CCDC88C: variants seen among roughly 807,000 people sequenced by gnomAD.
CCDC88C encodes the protein protein Daple.
Under a neutral mutation model 198.8 loss-of-function variants are expected in CCDC88C, and 131 were observed. That is an observed-to-expected ratio of 0.66 (90% CI 0.57 to 0.76). The LOEUF is 0.76. CCDC88C is among the 30% of genes least tolerant of loss of function. CCDC88C has a pLI of 0.00. For missense variants in CCDC88C, 2,553 were observed against 2,631.6 expected, an observed-to-expected ratio of 0.97 and a Z score of 0.65; for synonymous variants, 1,166 against 1,114.7, an observed-to-expected ratio of 1.05 and a Z score of -0.92.
chr14:91,322,564 A>G (rs1892399664), intron 12 of CCDC88C, among the ~76,000 whole-genome samples: 1 of 152,244 alleles, frequency 6.6e-6, no homozygotes, highest in African/African-American at 2.4e-5. Flanking sequence ...CAAGCCTCAA[A>G]TAAGACTCCA....
Position 91,337,997 on chromosome 14 carries a change from C to T in CCDC88C, c.1050+8G>A. ...CCCATCCAGGGGCCTCACAGCAAGG[C>T]TCCCTACCTCCATGCGGGCCTTGTA... On this transcript the variant is annotated splice_region_variant and intron_variant, in intron 10 of 29. Transcript: ENST00000389857. The T allele has an allele frequency of 6.2e-7, 1 of 1,609,576 alleles. No individual in the cohort carries two copies. The highest frequency in any genetic ancestry group is 8.5e-7 in the Non-Finnish European group (1 of 1,179,858).
At chr14:91,405,399 A>G (rs1274293082) in intron 3 of CCDC88C, among the ~76,000 whole-genome samples, 2 of 152,178 alleles carry the variant, frequency 1.3e-5, no homozygotes, top group African/African-American at 4.8e-5. Flanking sequence ...AGAGTAAGGA[A>G]CAAGGTTTGT....
In CCDC88C at chr14:91,340,034, C is replaced by T; in HGVS notation, c.484-10G>A. On this transcript the variant is annotated splice_polypyrimidine_tract_variant and intron_variant, in intron 6 of 29. Coordinates refer to ENST00000389857, the MANE Select transcript of CCDC88C (RefSeq NM_001080414.4). The stretch of plus-strand genomic sequence containing the variant: ...CTTGGTTGTGAGTCACCTGTGGGCA[C>T]ACATGGCAGGGCACTGCAGGGGCGG... 1 of 1,608,852 alleles carries T rather than the reference C, an allele frequency of 6.2e-7. No individual in the cohort carries two copies.
rs917099498 is a variant in CCDC88C, at chr14:91,339,684, G to A, written c.624+200C>T. Among the ~76,000 whole-genome samples the A allele has an allele frequency of 1.3e-5, 2 of 152,324 alleles. No homozygotes were observed. Among genetic ancestry groups the A allele is most frequent in the Non-Finnish European group, 2.9e-5 (2 of 68,030 alleles). On this transcript the variant is annotated intron_variant, in intron 7 of 29. Coordinates refer to ENST00000389857, the MANE Select transcript of CCDC88C (RefSeq NM_001080414.4). The surrounding 1 kb of genome is among the most constrained non-coding windows in gnomAD (Gnocchi z 5.8). The stretch of plus-strand genomic sequence containing the variant: ...GAAGGAGGAGGGCCCCAAGCTCCGC[G>A]TCCTGATTCCCTGTATCCTCCCACA...
At chr14:91,380,455 A>G (rs1159283039) in intron 3 of CCDC88C, among the ~76,000 whole-genome samples, 1 of 152,224 alleles carries the variant, frequency 6.6e-6, no homozygotes. Flanking sequence ...CTTTAAAAAC[A>G]TTTTTATTGT....
chr14:91,329,885 G>A (rs1892743897), intron 10 of CCDC88C, among the ~76,000 whole-genome samples: 1 of 152,260 alleles, frequency 6.6e-6, no homozygotes, highest in Non-Finnish European at 1.5e-5. Flanking sequence ...GCCAGACCCT[G>A]AGAATGTGAA....
At chr14:91,317,443 C>T (rs1438940545) in intron 13 of CCDC88C, among the ~76,000 whole-genome samples, 2 of 152,190 alleles carry the variant, frequency 1.3e-5, no homozygotes, top group Non-Finnish European at 2.9e-5. Flanking sequence ...CTGAGGGTTG[C>T]CAGGCCTGAA....
At chr14:91,387,753 GA>G (rs1390075879) in intron 3 of CCDC88C, among the ~76,000 whole-genome samples, 3 of 152,224 alleles carry the variant, frequency 2.0e-5, no homozygotes, top group African/African-American at 7.2e-5. Context: ...GGAAAGGAGG[GA>G]AGGCAGCACC....
At position 91,376,831 on chromosome 14, in the gene CCDC88C, A is replaced by G. The variant is rs144360189; in HGVS notation, c.271-17120T>C. 4.5e-3 allele frequency among the ~76,000 whole-genome samples: 685 copies of G among 152,312 alleles called. 6 individuals carry two copies. The highest frequency in any genetic ancestry group is 0.015 in the African/African-American group (641 of 41,578). ...AGGTAGGAAAGGATGTCTGTCTCTC[A>G]GTCACACTGCCGAGCCCCTGAGGTT... On this transcript the variant is annotated intron_variant, in intron 3 of 29. Coordinates refer to ENST00000389857, the MANE Select transcript of CCDC88C (RefSeq NM_001080414.4).
chr14:91,334,186 C>A (rs568567514), intron 10 of CCDC88C, among the ~76,000 whole-genome samples: 7 of 152,358 alleles, frequency 4.6e-5, no homozygotes, highest in Non-Finnish European at 1.0e-4. Flanking sequence ...AAACATACCT[C>A]GTACTTGGGT....
At position 91,313,245 on chromosome 14, in the gene CCDC88C, A is replaced by T. The variant is rs544589781; in HGVS notation, c.2571T>A (p.Asp857Glu). 6.8e-6 allele frequency: 11 copies of T among 1,613,982 alleles called. No homozygotes were observed. The Admixed American group carries it at 1.2e-4, about 17-fold the overall frequency. The change falls in exon 15 of 30, where the codon GAT becomes GAA. Residue 857 changes from aspartate to glutamate, a missense_variant. Coordinates refer to ENST00000389857, the MANE Select transcript of CCDC88C (RefSeq NM_001080414.4). The surrounding 1 kb of genome is among the most constrained non-coding windows in gnomAD (Gnocchi z 5.2). Reference protein sequence around the residue: ...QVELKDAVLDDSTAKLSAVEK... With the variant: ...QVELKDAVLDESTAKLSAVEK... ...CAACGGCGGACAGTTTGGCAGTGCTATCGTCCAAGACTGCATCCTTGAGCT... is the reference window on the plus strand; with the variant it reads ...CAACGGCGGACAGTTTGGCAGTGCTTTCGTCCAAGACTGCATCCTTGAGCT...
intron 3 of CCDC88C, among the ~76,000 whole-genome samples, chr14:91,399,838 CAAAAAAAAAA>C (rs71120133): frequency 1.3e-5 from 1 of 75,162 alleles, no homozygotes; most frequent in South Asian, 4.4e-4. Flanking sequence ...GACTCCCTCT[CAAAAAAAAAA>C]AAAAAAAAGA....
chr14:91,413,612 G>A (rs1391355747), intron 2 of CCDC88C, among the ~76,000 whole-genome samples: 1 of 152,184 alleles, frequency 6.6e-6, no homozygotes, highest in East Asian at 1.9e-4. Context: ...GCCACTCAAA[G>A]CCTCAGTTTC....
At chr14:91,367,393 C>T (rs143683298) in intron 3 of CCDC88C, among the ~76,000 whole-genome samples, 26 of 152,348 alleles carry the variant, frequency 1.7e-4, no homozygotes, top group African/African-American at 5.5e-4. Context: ...GACCCACACA[C>T]GCTAACAGTC....
At chr14:91,315,016 T>C (rs183800540) in intron 14 of CCDC88C, among the ~76,000 whole-genome samples, 9 of 152,248 alleles carry the variant, frequency 5.9e-5, no homozygotes, top group African/African-American at 2.2e-4. Context: ...ACTAAAATAC[T>C]TGGTGCCCTG....
chr14:91,366,150 A>G (rs1247264536), intron 3 of CCDC88C, among the ~76,000 whole-genome samples: 3 of 131,720 alleles, frequency 2.3e-5, no homozygotes, highest in Non-Finnish European at 1.6e-5. Context: ...CCTACTTAAA[A>G]AATACACACA....
chr14:91,293,536 C>G lies in CCDC88C; in HGVS notation c.4112+637G>C, dbSNP rs868020861. Reference sequence around the variant, plus strand: ...TACCTTCCTGTCCCCTCACCTGCCACGGCCCACCTTCCTGTCCCCTCGCCT... The same window carrying G: ...TACCTTCCTGTCCCCTCACCTGCCAGGGCCCACCTTCCTGTCCCCTCGCCT... On this transcript the variant is annotated intron_variant, in intron 23 of 29. Transcript: ENST00000389857. 1.3e-3 allele frequency among the ~76,000 whole-genome samples: 37 copies of G among 27,786 alleles called. 2 individuals carry two copies. Among genetic ancestry groups the G allele is most frequent in the African/African-American group, 2.1e-3 (10 of 4,756 alleles). 18.2% of individuals were successfully genotyped at this position (27,786 alleles called of 152,430 possible). A position where few individuals can be genotyped will look rare whatever the true frequency, so the allele number is the denominator to read the frequency against.
intron 3 of CCDC88C, among the ~76,000 whole-genome samples, chr14:91,361,528 A>T (rs1009663938): frequency 2.6e-5 from 4 of 152,166 alleles, no homozygotes; most frequent in African/African-American, 9.7e-5. Flanking sequence ...TCCACACTGC[A>T]GGAGGGGATG....
intron 3 of CCDC88C, among the ~76,000 whole-genome samples, chr14:91,375,934 G>C (rs1884384573): frequency 6.6e-6 from 1 of 152,218 alleles, no homozygotes; most frequent in Non-Finnish European, 1.5e-5. Flanking sequence ...CAGACAGTAA[G>C]GATGTGCCCT....
Sources: gnomAD v4.1 joint callset for allele counts (sites outside exome capture counted in the v4.1 genomes callset) on GRCh38, gnomAD v4.1.1 for gene constraint, Gnocchi (gnomAD v3.1) non-coding constraint, MANE v1.5 for transcripts, NCBI Gene and HGNC (gene_info 2026-07-23, HGNC 2026-07-21) for gene names.